Variants in NCKAP5 observed in about 807,000 individuals in gnomAD.
The protein encoded by NCKAP5 is nck-associated protein 5.
NCKAP5 carries 92 observed loss-of-function variants against 167.0 expected under a neutral mutation model. The ratio of observed to expected loss-of-function variants is 0.55; its 90% CI spans 0.47 to 0.66. The LOEUF (loss-of-function observed/expected upper bound fraction) is 0.66. Ranked by LOEUF, NCKAP5 falls within the 30% of genes least tolerant of loss-of-function variation. The pLI is 0.00. For synonymous variants in NCKAP5, 891 were observed against 877.4 expected, an observed-to-expected ratio of 1.02 and a Z score of -0.27; for missense variants, 2,378 against 2,315.0, an observed-to-expected ratio of 1.03 and a Z score of -0.56.
intron 5 of NCKAP5, among the ~76,000 whole-genome samples, chr2:133,195,273 A>G (rs2085389326): frequency 6.6e-6 from 1 of 152,144 alleles, no homozygotes. Context: ...CGAAATGACA[A>G]AAGTTAAAAG....
At chr2:133,558,798 T>C (rs1247481340) in intron 2 of NCKAP5, among the ~76,000 whole-genome samples, 1 of 150,168 alleles carries the variant, frequency 6.7e-6, no homozygotes, top group East Asian at 2.0e-4. Context: ...TTGTTCTCTG[T>C]AGTTGTTTTG....
At chr2:132,863,700 A>T (rs150340816) in intron 10 of NCKAP5, among the ~76,000 whole-genome samples, 1 of 152,312 alleles carries the variant, frequency 6.6e-6, no homozygotes, top group East Asian at 1.9e-4. Flanking sequence ...ATGGCCATTG[A>T]CAAACAGAAA....
At chr2:132,673,746 GC>G (rs1199864980) in intron 19 of NCKAP5, among the ~76,000 whole-genome samples, 1 of 152,082 alleles carries the variant, frequency 6.6e-6, no homozygotes, top group African/African-American at 2.4e-5. Flanking sequence ...CCCCTAACTT[GC>G]CATTTTTGAA....
chr2:133,308,299 G>C (rs1194897274), intron 3 of NCKAP5, among the ~76,000 whole-genome samples: 1 of 151,146 alleles, frequency 6.6e-6, no homozygotes, highest in Non-Finnish European at 1.5e-5. Context: ...CATTTTAGCC[G>C]GGATGGTCTC....
chr2:133,210,244 C>A (rs993468380), intron 5 of NCKAP5, among the ~76,000 whole-genome samples: 5 of 144,882 alleles, frequency 3.5e-5, no homozygotes, highest in African/African-American at 1.3e-4. Flanking sequence ...CAAAATGCTG[C>A]TTTGGGACTA....
intron 3 of NCKAP5, among the ~76,000 whole-genome samples, chr2:133,367,758 A>T (rs72989635): frequency 0.05 from 7,543 of 152,250 alleles, 569 homozygotes; most frequent in African/African-American, 0.17. Flanking sequence ...AAAAATTCAC[A>T]CTAGATGAAT....
At chr2:132,852,553 C>A (rs893005692) in intron 11 of NCKAP5, among the ~76,000 whole-genome samples, 27 of 152,146 alleles carry the variant, frequency 1.8e-4, no homozygotes, top group African/African-American at 5.6e-4. Context: ...TGTTTTCCTA[C>A]AGAGCTGGAT....
At chr2:133,420,961 T>C (rs776831082) in intron 3 of NCKAP5, among the ~76,000 whole-genome samples, 3 of 152,198 alleles carry the variant, frequency 2.0e-5, no homozygotes, top group Non-Finnish European at 2.9e-5. Flanking sequence ...CTGGTTCTTA[T>C]TGCCTCATGT....
intron 5 of NCKAP5, among the ~76,000 whole-genome samples, chr2:133,185,226 C>T (rs1184042858): frequency 1.3e-5 from 2 of 152,064 alleles, no homozygotes; most frequent in Admixed American, 6.6e-5. Flanking sequence ...ATTCCTTTCC[C>T]TATTGCTTAT....
At chr2:132,921,365 C>G (rs1204141759) in intron 8 of NCKAP5, among the ~76,000 whole-genome samples, 2 of 152,202 alleles carry the variant, frequency 1.3e-5, no homozygotes, top group Non-Finnish European at 2.9e-5. Flanking sequence ...ATTCCTCAAA[C>G]ATGTGTCCCA....
intron 4 of NCKAP5, among the ~76,000 whole-genome samples, chr2:133,225,705 C>G (rs952631428): frequency 1.3e-5 from 2 of 150,428 alleles, no homozygotes; most frequent in African/African-American, 4.9e-5. Flanking sequence ...CCTCAATCTC[C>G]TGGGCTCAAG....
chr2:133,549,711 C>G (rs1687103618), intron 2 of NCKAP5, among the ~76,000 whole-genome samples: 1 of 140,516 alleles, frequency 7.1e-6, no homozygotes, highest in Admixed American at 7.2e-5. Flanking sequence ...CAAACACATT[C>G]AAAAGCTAGC....
intron 3 of NCKAP5, among the ~76,000 whole-genome samples, chr2:133,350,570 T>C (rs1286350124): frequency 6.6e-6 from 1 of 152,182 alleles, no homozygotes; most frequent in Non-Finnish European, 1.5e-5. Context: ...GCACTTTGGT[T>C]TGGCCAAGAC....
chr2:132,897,184 A>G lies in NCKAP5; in HGVS notation c.580-18268T>C, dbSNP rs536407892. Among the ~76,000 whole-genome samples the G allele has an allele frequency of 2.6e-5, 4 of 152,336 alleles. No individual in the cohort carries two copies. The East Asian group carries it at 7.7e-4, about 29-fold the overall frequency. ...CTTTCCTTGATTCCATGAGAGGGTC[A>G]GCAAACCTCCACTAAAACCCTCAGA... On this transcript the variant is annotated intron_variant, in intron 8 of 19. Coordinates refer to ENST00000409261, the MANE Select transcript of NCKAP5 (RefSeq NM_207363.3).
intron 3 of NCKAP5, among the ~76,000 whole-genome samples, chr2:133,429,616 G>C (rs920923273): frequency 2.6e-5 from 4 of 152,088 alleles, no homozygotes; most frequent in African/African-American, 2.4e-5. Flanking sequence ...ATGGACTCCA[G>C]TTGCATCCAT....
At chr2:133,395,816 A>T (rs1157305164) in intron 3 of NCKAP5, among the ~76,000 whole-genome samples, 2 of 151,896 alleles carry the variant, frequency 1.3e-5, no homozygotes, top group Admixed American at 6.6e-5. Context: ...GCTATTTTTT[A>T]AATTTTTTTT....
At position 132,723,713 on chromosome 2, in the gene NCKAP5, C is replaced by T. The variant is rs894200249; in HGVS notation, c.5713+1914G>A. Among the ~76,000 whole-genome samples, 4 of 152,278 alleles carry T rather than the reference C, an allele frequency of 2.6e-5. No individual in the cohort carries two copies. In the South Asian group the frequency reaches 6.2e-4, roughly 24 times the overall value. On this transcript the variant is annotated intron_variant, in intron 19 of 19. Transcript: ENST00000409261. ...GTGTACAGACATAGAGCATTTCCAT[C>T]GTTGAGGGAGGTCACTTAGCCAGTG... is the stretch of plus-strand genomic sequence containing the variant.
At chr2:132,778,776 T>C (rs1322126935) in intron 15 of NCKAP5, among the ~76,000 whole-genome samples, 1 of 152,218 alleles carries the variant, frequency 6.6e-6, no homozygotes, top group African/African-American at 2.4e-5. Context: ...ATCAATGTGC[T>C]GTGGTGTTAA....
At chr2:133,383,071 AT>A (rs1281620778) in intron 3 of NCKAP5, among the ~76,000 whole-genome samples, 4 of 151,792 alleles carry the variant, frequency 2.6e-5, no homozygotes, top group Admixed American at 6.6e-5. Context: ...TTTAAAAAAA[AT>A]TTTTTTATTA....
Sources: gnomAD v4.1 joint callset for allele counts (sites outside exome capture counted in the v4.1 genomes callset) on GRCh38, gnomAD v4.1.1 for gene constraint, MANE v1.5 for transcripts, NCBI Gene and HGNC (gene_info 2026-07-23, HGNC 2026-07-21) for gene names.